UQCC1: variants seen among roughly 807,000 people sequenced by gnomAD.
UQCC1 encodes bFGF-repressed Zic-binding protein.
In UQCC1, 38 loss-of-function variants were observed where a neutral mutation model predicts 48.0. The ratio of observed to expected loss-of-function variants is 0.79; its 90% CI spans 0.61 to 1.04. UQCC1 has a LOEUF of 1.04. Ranked by LOEUF, UQCC1 falls within the 50% of genes least tolerant of loss-of-function variation. The probability of loss-of-function intolerance (pLI) is 0.00; values close to 1 mark genes in which losing one functional copy is unlikely to be tolerated. For synonymous variants in UQCC1, 111 were observed against 129.2 expected (o/e 0.86, Z 0.95); for missense variants, 368 against 381.8 (o/e 0.96, Z 0.30).
intron 7 of UQCC1, among the ~76,000 whole-genome samples, chr20:35,331,387 GCAGA>G (rs1287620767): frequency 1.3e-5 from 2 of 148,376 alleles, no homozygotes; most frequent in Admixed American, 6.7e-5. Context: ...AAGTATTACA[GCAGA>G]CAGTTATTTA....
chr20:35,316,865 C>T (rs1470860511), intron 7 of UQCC1, among the ~76,000 whole-genome samples: 1 of 152,038 alleles, frequency 6.6e-6, no homozygotes, highest in Non-Finnish European at 1.5e-5. Context: ...GTCTCGATCT[C>T]CTGACCTCGT....
intron 5 of UQCC1, among the ~76,000 whole-genome samples, chr20:35,369,644 T>C (rs1243658388): frequency 7.9e-5 from 12 of 152,202 alleles, no homozygotes; most frequent in Non-Finnish European, 1.8e-4. Context: ...TTTTCTTCTC[T>C]GTAAAAATGA....
chr20:35,399,856 CAA>C (rs200580923), intron 1 of UQCC1, among the ~76,000 whole-genome samples: 11 of 100,156 alleles, frequency 1.1e-4, no homozygotes, highest in Non-Finnish European at 1.5e-4. Context: ...AGACTCCACT[CAA>C]AAAAAAAAAA....
At chr20:35,389,409 A>G (rs1300054701) in intron 2 of UQCC1, among the ~76,000 whole-genome samples, 3 of 152,044 alleles carry the variant, frequency 2.0e-5, no homozygotes, top group Non-Finnish European at 4.4e-5. Context: ...CTAAAAATAC[A>G]AAAATTAGCT....
At chr20:35,320,916 T>C (rs1452378354) in intron 7 of UQCC1, among the ~76,000 whole-genome samples, 1 of 152,220 alleles carries the variant, frequency 6.6e-6, no homozygotes, top group Non-Finnish European at 1.5e-5. Flanking sequence ...AAGGCAACAA[T>C]GCAACACAAG....
chr20:35,382,130 A>AG lies in UQCC1; in HGVS notation c.226-106dup, dbSNP rs1454753056. The AG allele has an allele frequency of 6.2e-6, 4 of 646,606 alleles. No homozygotes were observed. In the African/African-American group the frequency reaches 7.3e-5, roughly 12 times the overall value. 40.1% of individuals were successfully genotyped at this position (646,606 alleles called of 1,614,324 possible). On this transcript the variant is annotated intron_variant, in intron 3 of 9. Transcript: ENST00000374385. ...GAGCATTTTTTTTTTAAATACAGTC[A>AG]GGGTCTCCTCCCCTCACCCAGGCTA...
At chr20:35,411,533 G>C (rs1039044105) in intron 1 of UQCC1, among the ~76,000 whole-genome samples, 1 of 152,122 alleles carries the variant, frequency 6.6e-6, no homozygotes, top group African/African-American at 2.4e-5. Context: ...AAATGTCCTC[G>C]TTTTTCACAT....
At chr20:35,337,380 G>A (rs1380153361) in intron 7 of UQCC1, among the ~76,000 whole-genome samples, 1 of 152,018 alleles carries the variant, frequency 6.6e-6, no homozygotes, top group South Asian at 2.1e-4. Flanking sequence ...GTAGAGATGG[G>A]GTTTCACCAT....
intron 7 of UQCC1, chr20:35,315,448 AGAG>A (rs2061046583): frequency 6.6e-6 from 1 of 152,400 alleles, no homozygotes; most frequent in Admixed American, 6.5e-5. Flanking sequence ...ATGAAAAAAC[AGAG>A]AAGGAAGTGG....
chr20:35,386,041 GATT>G (rs1266055592), intron 2 of UQCC1, among the ~76,000 whole-genome samples: 1 of 151,856 alleles, frequency 6.6e-6, no homozygotes, highest in Non-Finnish European at 1.5e-5. Flanking sequence ...TTTACTCAGA[GATT>G]ATTATTATTG....
At chr20:35,386,270 A>G (rs1226394941) in intron 2 of UQCC1, 2 of 440,256 alleles carry the variant, frequency 4.5e-6, no homozygotes, top group African/African-American at 4.1e-5. Flanking sequence ...CACTAATGCT[A>G]TATTACCTTT....
chr20:35,382,421 G>A (rs952857349), intron 3 of UQCC1, among the ~76,000 whole-genome samples: 1 of 151,622 alleles, frequency 6.6e-6, no homozygotes, highest in Non-Finnish European at 1.5e-5. Flanking sequence ...GATTACAGGT[G>A]TGAGCCACCA....
rs970684804 is a variant in UQCC1 at position 35,347,714 on chromosome 20, A to G, written c.465-442T>C. ...GGTATAGAACTGTGCTGTCCAATAC[A>G]GTGGCTCCCCTGTGGCTATTGAGCA... On this transcript the variant is annotated intron_variant, in intron 6 of 9. Transcript: ENST00000374385. Among the ~76,000 whole-genome samples, 74 of 152,226 alleles carry G rather than the reference A, an allele frequency of 4.9e-4. 1 individual carries two copies. Among genetic ancestry groups the G allele is most frequent in the Admixed American group, 4.2e-3 (64 of 15,280 alleles).
At chr20:35,329,432 A>T (rs1442471221) in intron 7 of UQCC1, among the ~76,000 whole-genome samples, 1 of 152,224 alleles carries the variant, frequency 6.6e-6, no homozygotes, top group Non-Finnish European at 1.5e-5. Flanking sequence ...GGCAAGGATC[A>T]CTGACATTCA....
chr20:35,357,392 T>A (rs1045040512), intron 6 of UQCC1, among the ~76,000 whole-genome samples: 3 of 152,122 alleles, frequency 2.0e-5, no homozygotes, highest in African/African-American at 7.2e-5. Context: ...TGGTGGCACA[T>A]GCCTGTAATC....
chr20:35,341,229 AAAAAAAAAAG>A (rs1343204205), intron 7 of UQCC1, among the ~76,000 whole-genome samples: 43 of 151,388 alleles, frequency 2.8e-4, no homozygotes, highest in Admixed American at 1.3e-3. Context: ...AAAAAAAAAA[AAAAAAAAAAG>A]AAAGAAAGAA....
At chr20:35,388,423 C>T (rs114202144) in intron 2 of UQCC1, among the ~76,000 whole-genome samples, 2,713 of 151,736 alleles carry the variant, frequency 0.018, 84 homozygotes, top group African/African-American at 0.063. Flanking sequence ...TCCTGAGTAC[C>T]TGGGAACACA....
intron 2 of UQCC1, among the ~76,000 whole-genome samples, chr20:35,392,608 G>C (rs1197561412): frequency 6.6e-6 from 1 of 152,080 alleles, no homozygotes. Context: ...GCTCTGAAAA[G>C]AAATACCTGC....
chr20:35,324,387 C>T (rs764689955), intron 7 of UQCC1, among the ~76,000 whole-genome samples: 10 of 152,108 alleles, frequency 6.6e-5, no homozygotes, highest in Non-Finnish European at 1.2e-4. Flanking sequence ...AGTGCCGTGG[C>T]GCCATCTCTG....
Sources: gnomAD v4.1 joint callset for allele counts (sites outside exome capture counted in the v4.1 genomes callset) on GRCh38, gnomAD v4.1.1 for gene constraint, MANE v1.5 for transcripts, NCBI Gene and HGNC (gene_info 2026-07-23, HGNC 2026-07-21) for gene names.